The following NXPH2 variants were observed in gnomAD, a reference collection of about 807,000 sequenced individuals.
NXPH2 encodes the protein neurexophilin-2.
A neutral mutation model predicts 19.8 loss-of-function variants in NXPH2; 5 were observed. The observed-to-expected ratio is 0.25, with a 90% confidence interval of 0.13 to 0.53. The LOEUF (loss-of-function observed/expected upper bound fraction) is 0.53. NXPH2 is among the 20% of genes least tolerant of loss of function. NXPH2 has a pLI of 0.96. For synonymous variants in NXPH2, 154 were observed against 127.4 expected, an observed-to-expected ratio of 1.21 and a Z score of -1.41; for missense variants, 289 against 322.8, an observed-to-expected ratio of 0.90 and a Z score of 0.80.
chr2:138,729,858 T>C (rs1681419477), intron 1 of NXPH2, among the ~76,000 whole-genome samples: 1 of 152,204 alleles, frequency 6.6e-6, no homozygotes, highest in Admixed American at 6.5e-5. Context: ...ATGTCTTCTT[T>C]GGTCAATAGG....
At chr2:138,711,144 A>AT (rs1681099881) in intron 1 of NXPH2, among the ~76,000 whole-genome samples, 1 of 24,638 alleles carries the variant, frequency 4.1e-5, no homozygotes, top group Non-Finnish European at 9.0e-5. Flanking sequence ...CATTTCTATC[A>AT]CTTTTTTTTT....
chr2:138,771,071 T>C (rs190583075), intron 1 of NXPH2, among the ~76,000 whole-genome samples: 87 of 152,216 alleles, frequency 5.7e-4, no homozygotes, highest in African/African-American at 2.1e-3. Flanking sequence ...TCAGAAAACA[T>C]TTATAATTAT....
At chr2:138,681,356 T>A (rs1680577601) in intron 1 of NXPH2, among the ~76,000 whole-genome samples, 1 of 152,172 alleles carries the variant, frequency 6.6e-6, no homozygotes, top group Non-Finnish European at 1.5e-5. Flanking sequence ...TTTCCCCCCA[T>A]AATCATAAAA....
At chr2:138,749,051 T>G (rs1681786504) in intron 1 of NXPH2, among the ~76,000 whole-genome samples, 1 of 152,176 alleles carries the variant, frequency 6.6e-6, no homozygotes. Context: ...TTAGGCAAAT[T>G]TCACCTTGAA....
chr2:138,756,531 T>C (rs1681912206), intron 1 of NXPH2, among the ~76,000 whole-genome samples: 1 of 152,120 alleles, frequency 6.6e-6, no homozygotes, highest in South Asian at 2.1e-4. Context: ...TAGCTTTTAC[T>C]TAATCTTTCA....
intron 1 of NXPH2, 127 bp from the exon 2 acceptor site, chr2:138,671,792 C>T (rs1285011143): frequency 2.1e-6 from 2 of 948,526 alleles, no homozygotes. Context: ...GCATTTCACA[C>T]ACACAGCCGG....
At chr2:138,689,197 G>A (rs1474240133) in intron 1 of NXPH2, among the ~76,000 whole-genome samples, 2 of 152,176 alleles carry the variant, frequency 1.3e-5, no homozygotes, top group Non-Finnish European at 2.9e-5. Flanking sequence ...AATTGACTGT[G>A]ATTTTTTAGG....
At chr2:138,745,344 G>T (rs1168942309) in intron 1 of NXPH2, among the ~76,000 whole-genome samples, 2 of 152,146 alleles carry the variant, frequency 1.3e-5, no homozygotes, top group Non-Finnish European at 2.9e-5. Flanking sequence ...GTGTCAACTT[G>T]CCTACCTTCT....
Position 138,671,604 on chromosome 2 carries a change from T to A in NXPH2, c.113A>T (p.Asp38Val). ...ATEGLDWEDK[D>V]APGTLVGNVV... Reference sequence around the variant, plus strand: ...GTTGCCGACCAACGTCCCTGGAGCATCTTTGTCTTCCCAATCCAGCCCCTC... The same window carrying A: ...GTTGCCGACCAACGTCCCTGGAGCAACTTTGTCTTCCCAATCCAGCCCCTC... The change falls in exon 2 of 2, where the codon GAT becomes GTT. Residue 38 changes from aspartate to valine, a missense_variant. Coordinates refer to ENST00000272641, the MANE Select transcript of NXPH2 (RefSeq NM_007226.3). 1.2e-6 allele frequency: 2 copies of A among 1,609,566 alleles called. No homozygotes were observed. The highest frequency in any genetic ancestry group is 1.7e-6 in the Non-Finnish European group (2 of 1,177,960).
At chr2:138,751,454 C>T (rs1203293316) in intron 1 of NXPH2, among the ~76,000 whole-genome samples, 1 of 152,066 alleles carries the variant, frequency 6.6e-6, no homozygotes, top group Non-Finnish European at 1.5e-5. Context: ...ATTATTATGG[C>T]TTCAATCTGT....
chr2:138,760,478 G>A (rs888458885), intron 1 of NXPH2, among the ~76,000 whole-genome samples: 2 of 152,148 alleles, frequency 1.3e-5, no homozygotes, highest in African/African-American at 2.4e-5. Flanking sequence ...TTGCACGGAG[G>A]TCCCTGCTTT....
chr2:138,722,146 T>C (rs1256052526), intron 1 of NXPH2, among the ~76,000 whole-genome samples: 2 of 152,218 alleles, frequency 1.3e-5, no homozygotes, highest in African/African-American at 2.4e-5. Flanking sequence ...AATAAACAAA[T>C]ACATATTAAA....
At chr2:138,767,956 G>T (rs1682117407) in intron 1 of NXPH2, among the ~76,000 whole-genome samples, 1 of 151,940 alleles carries the variant, frequency 6.6e-6, no homozygotes, top group Non-Finnish European at 1.5e-5. Flanking sequence ...ATACCTTGTA[G>T]TTCACCAGTA....
At chr2:138,725,913 A>G (rs970541196) in intron 1 of NXPH2, among the ~76,000 whole-genome samples, 2 of 152,172 alleles carry the variant, frequency 1.3e-5, no homozygotes, top group Non-Finnish European at 2.9e-5. Flanking sequence ...TTGTTTCAGG[A>G]TGTAAGAATT....
At chr2:138,735,777 C>A (rs1460429888) in intron 1 of NXPH2, among the ~76,000 whole-genome samples, 3 of 152,186 alleles carry the variant, frequency 2.0e-5, no homozygotes, top group Non-Finnish European at 4.4e-5. Context: ...TGCCTATGAA[C>A]CTGTAAAATC....
intron 1 of NXPH2, among the ~76,000 whole-genome samples, chr2:138,747,710 C>T (rs1212163559): frequency 6.6e-6 from 1 of 152,186 alleles, no homozygotes; most frequent in Non-Finnish European, 1.5e-5. Flanking sequence ...CCTACCCTTC[C>T]TGTTACATAG....
chr2:138,671,726 C>T (rs1480961086), intron 1 of NXPH2, 61 bp from the exon 2 acceptor site: 11 of 1,474,106 alleles, frequency 7.5e-6, no homozygotes, highest in Admixed American at 7.4e-5. Flanking sequence ...CGCACTCAAA[C>T]TGAAGTCAAA....
At chr2:138,704,816 C>A (rs1286588520) in intron 1 of NXPH2, among the ~76,000 whole-genome samples, 1 of 132,196 alleles carries the variant, frequency 7.6e-6, no homozygotes, top group Non-Finnish European at 1.6e-5. Flanking sequence ...ACCACCACGC[C>A]CAGCTAATTT....
chr2:138,740,080 A>G (rs1558926508), intron 1 of NXPH2, among the ~76,000 whole-genome samples: 1 of 152,178 alleles, frequency 6.6e-6, no homozygotes, highest in Non-Finnish European at 1.5e-5. Flanking sequence ...CCCAGAAAAG[A>G]CACACGCAGA....
Sources: allele counts gnomAD v4.1 joint callset (sites outside exome capture counted in the v4.1 genomes callset), GRCh38; gene constraint gnomAD v4.1.1; transcripts MANE v1.5; gene names NCBI Gene and HGNC (gene_info 2026-07-23, HGNC 2026-07-21).